The following CNTN5 variants were observed in gnomAD, a reference collection of about 807,000 sequenced individuals.
CNTN5 encodes contactin-5.
In CNTN5, 77 loss-of-function variants were observed where a neutral mutation model predicts 129.1. That is an observed-to-expected ratio of 0.60 (90% CI 0.50 to 0.72). The LOEUF is 0.72. Among genes scored for constraint, CNTN5 ranks in the 30% least tolerant of loss-of-function variants. The pLI, the probability that CNTN5 is intolerant of heterozygous loss-of-function variation, is 0.00. For synonymous variants in CNTN5, 509 were observed against 465.6 expected, an observed-to-expected ratio of 1.09 and a Z score of -1.20; for missense variants, 1,478 against 1,328.8, an observed-to-expected ratio of 1.11 and a Z score of -1.75.
Position 99,203,658 on chromosome 11 carries a change from C to T in CNTN5, c.-209-121688C>T, listed in dbSNP as rs574543548. 2.6e-5 allele frequency among the ~76,000 whole-genome samples: 4 copies of T among 151,900 alleles called. No individual in the cohort carries two copies. The South Asian group carries it at 6.3e-4, about 24-fold the overall frequency. On this transcript the variant is annotated intron_variant, in intron 1 of 24. Transcript: ENST00000524871. ...AGGTTGGAGTGCAATGGCGTGATCT[C>T]GGCTCACTGCAACCTCTGCCTTCTG...
At chr11:99,037,907 A>C (rs1388104614) in intron 1 of CNTN5, among the ~76,000 whole-genome samples, 1 of 152,116 alleles carries the variant, frequency 6.6e-6, no homozygotes, top group Non-Finnish European at 1.5e-5. Context: ...GGAGATTGCA[A>C]GCTGCTTTAA....
intron 2 of CNTN5, among the ~76,000 whole-genome samples, chr11:99,484,497 G>A (rs929863271): frequency 2.6e-5 from 4 of 152,084 alleles, no homozygotes; most frequent in Non-Finnish European, 4.4e-5. Flanking sequence ...TATAAACAGT[G>A]TTACCATTTG....
intron 4 of CNTN5, among the ~76,000 whole-genome samples, chr11:99,823,620 T>C (rs1020218042): frequency 6.6e-6 from 1 of 152,196 alleles, no homozygotes; most frequent in Non-Finnish European, 1.5e-5. Flanking sequence ...TTCATTACAT[T>C]AGAAATTGTC....
intron 1 of CNTN5, among the ~76,000 whole-genome samples, chr11:99,125,973 G>C (rs918422851): frequency 8.6e-5 from 13 of 152,002 alleles, no homozygotes; most frequent in Non-Finnish European, 1.5e-4. Context: ...ATTGTATTCT[G>C]CTTCAAATTT....
intron 6 of CNTN5, among the ~76,000 whole-genome samples, chr11:99,845,651 C>T (rs1947668645): frequency 6.7e-6 from 1 of 150,106 alleles, no homozygotes; most frequent in South Asian, 2.1e-4. Flanking sequence ...GGATTACAGG[C>T]GTGAGCCACC....
intron 17 of CNTN5, among the ~76,000 whole-genome samples, chr11:100,256,394 A>C (rs1033684829): frequency 6.6e-6 from 1 of 152,182 alleles, no homozygotes; most frequent in African/African-American, 2.4e-5. Context: ...ATGTAGACTC[A>C]AGTAACCATC....
chr11:99,532,004 C>T (rs1947727649), intron 2 of CNTN5, among the ~76,000 whole-genome samples: 1 of 152,038 alleles, frequency 6.6e-6, no homozygotes, highest in Admixed American at 6.5e-5. Flanking sequence ...GAGAAGAGGG[C>T]CACTGTCCTC....
At chr11:99,870,850 G>C (rs556966526) in intron 6 of CNTN5, among the ~76,000 whole-genome samples, 15 of 152,062 alleles carry the variant, frequency 9.9e-5, no homozygotes, top group African/African-American at 3.1e-4. Context: ...ACATTTGAGA[G>C]GTTTTGTCTG....
At chr11:99,696,774 T>G (rs946810845) in intron 3 of CNTN5, among the ~76,000 whole-genome samples, 1 of 152,038 alleles carries the variant, frequency 6.6e-6, no homozygotes, top group Non-Finnish European at 1.5e-5. Context: ...GTATCTTGGT[T>G]TGGCAGTGTC....
At chr11:99,042,596 C>T (rs1022873547) in intron 1 of CNTN5, among the ~76,000 whole-genome samples, 2 of 151,818 alleles carry the variant, frequency 1.3e-5, no homozygotes, top group African/African-American at 2.4e-5. Flanking sequence ...AGGATGGTCT[C>T]GACCTTCTGA....
intron 20 of CNTN5, among the ~76,000 whole-genome samples, chr11:100,301,942 C>A (rs1951230096): frequency 1.3e-5 from 2 of 151,560 alleles, no homozygotes; most frequent in Non-Finnish European, 3.0e-5. Context: ...GAGGTTGAGG[C>A]AGGAGGATTG....
chr11:100,036,498 T>C (rs2137646568), intron 9 of CNTN5, among the ~76,000 whole-genome samples: 1 of 149,318 alleles, frequency 6.7e-6, no homozygotes, highest in South Asian at 2.2e-4. Context: ...TTTCCAATTC[T>C]GTGAAGAAAG....
chr11:99,869,050 A>G lies in CNTN5; in HGVS notation c.577+23788A>G, dbSNP rs554046509. 7.2e-4 allele frequency among the ~76,000 whole-genome samples: 110 copies of G among 152,282 alleles called. No individual in the cohort carries two copies. The South Asian group carries it at 0.016, about 22-fold the overall frequency. On this transcript the variant is annotated intron_variant, in intron 6 of 24. Coordinates refer to ENST00000524871, the MANE Select transcript of CNTN5 (RefSeq NM_014361.4). ...CTACAGTGTCTTCTGATTCAGCCCCACTTATTATATTTATCAACGTCTCAA... is the reference window on the plus strand; with the variant it reads ...CTACAGTGTCTTCTGATTCAGCCCCGCTTATTATATTTATCAACGTCTCAA...
chr11:99,273,901 T>C (rs190839257), intron 1 of CNTN5, among the ~76,000 whole-genome samples: 1 of 151,734 alleles, frequency 6.6e-6, no homozygotes, highest in African/African-American at 2.4e-5. Flanking sequence ...AATACATTGC[T>C]TCTTAGGAAC....
At chr11:99,855,243 A>G (rs1209204761) in intron 6 of CNTN5, among the ~76,000 whole-genome samples, 1 of 152,126 alleles carries the variant, frequency 6.6e-6, no homozygotes, top group Non-Finnish European at 1.5e-5. Flanking sequence ...CGGGAGTACT[A>G]GGTGAGCTAT....
At chr11:99,683,363 A>G (rs549494955) in intron 3 of CNTN5, among the ~76,000 whole-genome samples, 2 of 151,884 alleles carry the variant, frequency 1.3e-5, no homozygotes, top group Non-Finnish European at 2.9e-5. Flanking sequence ...TGGATATGCA[A>G]CTAATCCAGT....
At chr11:99,379,428 C>A (rs1009728287) in intron 2 of CNTN5, among the ~76,000 whole-genome samples, 3 of 151,804 alleles carry the variant, frequency 2.0e-5, no homozygotes, top group Admixed American at 2.0e-4. Context: ...ATACCTTTCT[C>A]AATTGAAATG....
At chr11:100,337,263 C>T in intron 21 of CNTN5, 1 of 1,373,586 alleles carries the variant, frequency 7.3e-7, no homozygotes, top group Non-Finnish European at 1.0e-6. Context: ...CTTTTCAGAA[C>T]AAAAAGAGCC....
intron 9 of CNTN5, among the ~76,000 whole-genome samples, chr11:100,030,767 C>T (rs927250748): frequency 1.3e-5 from 2 of 152,154 alleles, no homozygotes; most frequent in Non-Finnish European, 2.9e-5. Context: ...ATAAAGCATA[C>T]TTCTTAGGCT....
Sources: gnomAD v4.1 joint callset for allele counts (sites outside exome capture counted in the v4.1 genomes callset) on GRCh38, gnomAD v4.1.1 for gene constraint, MANE v1.5 for transcripts, NCBI Gene and HGNC (gene_info 2026-07-23, HGNC 2026-07-21) for gene names.